TMIGD1: variants seen among roughly 807,000 people sequenced by gnomAD.
The protein encoded by TMIGD1 is transmembrane and immunoglobulin domain containing 1.
A neutral mutation model predicts 27.5 loss-of-function variants in TMIGD1; 29 were observed. The ratio of observed to expected loss-of-function variants is 1.05; its 90% CI spans 0.78 to 1.44. The LOEUF (loss-of-function observed/expected upper bound fraction) is 1.44. TMIGD1 is among the 40% of genes most tolerant of loss of function. The pLI is 0.00. For synonymous variants in TMIGD1, 109 were observed against 110.3 expected (o/e 0.99, Z 0.07); for missense variants, 334 against 310.6 (o/e 1.08, Z -0.57).
chr17:30,322,840 T>TA (rs1406884489), intron 4 of TMIGD1, among the ~76,000 whole-genome samples: 51 of 152,292 alleles, frequency 3.3e-4, no homozygotes, highest in East Asian at 1.2e-3. Context: ...TAAACTACCT[T>TA]ACCCATTGGC....
intron 1 of TMIGD1, among the ~76,000 whole-genome samples, chr17:30,333,174 A>T (rs2143196063): frequency 6.6e-6 from 1 of 152,010 alleles, no homozygotes; most frequent in South Asian, 2.1e-4. Flanking sequence ...CATGCCTGTA[A>T]TCCCAGCACT....
At chr17:30,331,879 G>A (rs1257183282) in intron 2 of TMIGD1, among the ~76,000 whole-genome samples, 173 bp downstream of exon 2, 4 of 152,102 alleles carry the variant, frequency 2.6e-5, no homozygotes, top group Non-Finnish European at 5.9e-5. Flanking sequence ...TGAGCCACCC[G>A]CCTGGCCTCC....
At chr17:30,321,101 G>A (rs1173368112) in intron 4 of TMIGD1, among the ~76,000 whole-genome samples, 1 of 151,782 alleles carries the variant, frequency 6.6e-6, no homozygotes. Context: ...TAAGTGATCT[G>A]CCTGCCTTGG....
chr17:30,321,845 T>G (rs550667302), intron 4 of TMIGD1, among the ~76,000 whole-genome samples: 22 of 152,322 alleles, frequency 1.4e-4, no homozygotes, highest in African/African-American at 5.1e-4. Flanking sequence ...TAATTATTTT[T>G]GGAGACAGGG....
At chr17:30,327,773 T>C (rs1227270461) in intron 3 of TMIGD1, among the ~76,000 whole-genome samples, 1 of 151,728 alleles carries the variant, frequency 6.6e-6, no homozygotes. Context: ...AGGGTCTCAC[T>C]ATGTTATGTT....
At position 30,316,444 on chromosome 17, in the gene TMIGD1, A is replaced by G. The variant is rs1909415835; in HGVS notation, c.*243T>C. The G allele has an allele frequency of 4.5e-6, 2 of 441,926 alleles. No homozygotes were observed. Among genetic ancestry groups the G allele is most frequent in the South Asian group, 4.4e-5 (1 of 22,508 alleles). 27.4% of individuals were successfully genotyped at this position (441,926 alleles called of 1,614,324 possible). The stretch of plus-strand genomic sequence containing the variant: ...ACCAACCTATTTGGAACAAATCTCA[A>G]TTAATTAACATATACTTCAAGGAGA... On this transcript the variant is annotated 3_prime_UTR_variant, in exon 7 of 7. Coordinates refer to ENST00000328886, the MANE Select transcript of TMIGD1 (RefSeq NM_206832.3).
intron 2 of TMIGD1, among the ~76,000 whole-genome samples, chr17:30,330,299 G>GA (rs1347879365): frequency 6.6e-6 from 1 of 151,402 alleles, no homozygotes; most frequent in African/African-American, 2.4e-5. Context: ...AAAAAGACAG[G>GA]AAAAAACCCA....
rs1482280429 is a variant in TMIGD1 at position 30,332,081 on chromosome 17, A to G, written c.53T>C (p.Val18Ala). Reference sequence around the variant, plus strand: ...CATCTCACGTGGCAGAAATAAAATTACTAAGAGAAGAAATCTTCCCATTTG... The same window carrying G: ...CATCTCACGTGGCAGAAATAAAATTGCTAAGAGAAGAAATCTTCCCATTTG... ...IMQMGRFLLL[V>A]ILFLPREMTS... Residue 18 changes from valine (V) to alanine (A), a missense_variant, in exon 2 of 7, where the codon GTA (valine) becomes GCA (alanine). By Grantham distance (64) the Val-to-Ala change is moderately conservative. Coordinates refer to ENST00000328886, the MANE Select transcript of TMIGD1 (RefSeq NM_206832.3). 1.1e-5 allele frequency: 17 copies of G among 1,613,362 alleles called. No homozygotes were observed. Among genetic ancestry groups the G allele is most frequent in the African/African-American group, 1.3e-5 (1 of 74,918 alleles).
At chr17:30,333,702 T>C (rs1349325370) in intron 1 of TMIGD1, among the ~76,000 whole-genome samples, 1 of 152,196 alleles carries the variant, frequency 6.6e-6, no homozygotes, top group Non-Finnish European at 1.5e-5. Flanking sequence ...TTGATTCTTT[T>C]GTAATTTTAA....
intron 2 of TMIGD1, 38 bp from the exon 3 acceptor site, chr17:30,329,567 T>C (rs767999857): frequency 2.6e-6 from 4 of 1,560,018 alleles, no homozygotes; most frequent in Non-Finnish European, 3.5e-6. Context: ...ATATACAGAG[T>C]AAACAACCTT....
Position 30,317,226 on chromosome 17 carries a change from A to T in TMIGD1, c.752T>A (p.Met251Lys). Residue 251 changes from methionine (M) to lysine (K), a missense_variant, in exon 6 of 7, where the codon ATG becomes AAG. Physicochemically the swap from Met to Lys is moderately conservative, Grantham distance 95 (BLOSUM62 -1). Coordinates refer to ENST00000328886, the MANE Select transcript of TMIGD1 (RefSeq NM_206832.3). ...TTCACTGTGAGGGTCTTTATCCTTC[A>T]TGCAGAGCTAAAAGCAAACATGGCA... is the stretch of plus-strand genomic sequence containing the variant. ...ARRKKIMKLC[M>K]KDKDPHSETA... 6.2e-7 allele frequency: 1 copy of T among 1,614,058 alleles called. No homozygotes were observed. Among genetic ancestry groups the T allele is most frequent in the Non-Finnish European group, 8.5e-7 (1 of 1,179,970 alleles).
chr17:30,332,002 T>C, intron 2 of TMIGD1, 50 bp downstream of exon 2: 1 of 1,329,584 alleles, frequency 7.5e-7, no homozygotes, highest in Admixed American at 1.8e-5. Context: ...CTTTTCTTAA[T>C]CGGAAATTTT....
At chr17:30,333,468 T>C (rs1910048746) in intron 1 of TMIGD1, among the ~76,000 whole-genome samples, 1 of 151,242 alleles carries the variant, frequency 6.6e-6, no homozygotes, top group Admixed American at 6.6e-5. Context: ...AATAAAAAAA[T>C]AAAAAAAAGC....
intron 4 of TMIGD1, among the ~76,000 whole-genome samples, chr17:30,320,967 C>T (rs1909601248): frequency 6.6e-6 from 1 of 152,188 alleles, no homozygotes; most frequent in South Asian, 2.1e-4. Context: ...AAGCGATTCT[C>T]CTGTCTCAGC....
chr17:30,328,097 G>C (rs1330147438), intron 3 of TMIGD1, among the ~76,000 whole-genome samples: 1 of 151,104 alleles, frequency 6.6e-6, no homozygotes, highest in Non-Finnish European at 1.5e-5. Flanking sequence ...TGCAGTGGTG[G>C]CATCTCAGCT....
intron 4 of TMIGD1, among the ~76,000 whole-genome samples, chr17:30,323,528 T>C (rs1909684638): frequency 6.6e-6 from 1 of 152,168 alleles, no homozygotes; most frequent in African/African-American, 2.4e-5. Context: ...ACAAGTTGGT[T>C]TGGAAGAGCC....
chr17:30,332,005 G>T, intron 2 of TMIGD1, 47 bp downstream of exon 2: 1 of 1,390,854 alleles, frequency 7.2e-7, no homozygotes, highest in Non-Finnish European at 1.0e-6. Flanking sequence ...TTCTTAATCG[G>T]AAATTTTTCT....
chr17:30,319,261 A>AAAATATATATATATATATATATATATAT, intron 4 of TMIGD1, among the ~76,000 whole-genome samples: 16 of 69,028 alleles, frequency 2.3e-4, no homozygotes, highest in Middle Eastern at 7.0e-3. Context: ...AAAAAAAAAA[A>AAAATATATATATATATATATATATATAT]ATATATATAT....
rs191655789 is a variant in TMIGD1, at chr17:30,322,455, T to C, written c.640+2361A>G. Among the ~76,000 whole-genome samples, 3 of 152,310 alleles carry C rather than the reference T, an allele frequency of 2.0e-5. No homozygotes were observed. In the East Asian group the frequency reaches 5.8e-4, roughly 29 times the overall value. On this transcript the variant is annotated intron_variant, in intron 4 of 6. Transcript: ENST00000328886. The stretch of plus-strand genomic sequence containing the variant: ...GTTGGAATATTTTTACCAAGCCAGA[T>C]AAAATGAAGCCACATGTGACAGCTC...
Sources: gnomAD v4.1 joint callset for allele counts (sites outside exome capture counted in the v4.1 genomes callset) on GRCh38, gnomAD v4.1.1 for gene constraint, MANE v1.5 for transcripts, NCBI Gene and HGNC (gene_info 2026-07-23, HGNC 2026-07-21) for gene names.